Variants in NBEA observed in about 807,000 individuals in gnomAD.
NBEA encodes the protein lysosomal-trafficking regulator 2.
In NBEA, 44 loss-of-function variants were observed where a neutral mutation model predicts 343.4. The observed-to-expected ratio is 0.13, with a 90% CI of 0.10 to 0.16. The LOEUF (loss-of-function observed/expected upper bound fraction) is 0.16, where lower values mean the gene tolerates loss of function less well. Ranked by LOEUF, NBEA falls within the 10% of genes least tolerant of loss-of-function variation. The pLI is 1.00. For synonymous variants in NBEA, 1,175 were observed against 1,238.7 expected (o/e 0.95, Z 1.08); for missense variants, 2,555 against 3,631.3 (o/e 0.70, Z 7.62).
intron 1 of NBEA, among the ~76,000 whole-genome samples, chr13:34,996,563 A>G (rs1191424490): frequency 6.6e-6 from 1 of 152,066 alleles, no homozygotes; most frequent in African/African-American, 2.4e-5. Context: ...TAGTATATTT[A>G]CTTTTACATC....
intron 40 of NBEA, among the ~76,000 whole-genome samples, chr13:35,468,527 T>C (rs1210742593): frequency 6.6e-6 from 1 of 152,164 alleles, no homozygotes; most frequent in African/African-American, 2.4e-5. Flanking sequence ...CATTGAATTA[T>C]TTCTGATGCC....
chr13:35,020,541 CAG>C (rs2061802015), intron 1 of NBEA, among the ~76,000 whole-genome samples: 1 of 152,116 alleles, frequency 6.6e-6, no homozygotes, highest in African/African-American at 2.4e-5. Context: ...TTTTGTAAGA[CAG>C]AGTCTCACTC....
chr13:35,561,558 A>T (rs1457872040), intron 44 of NBEA, among the ~76,000 whole-genome samples: 2 of 152,158 alleles, frequency 1.3e-5, no homozygotes, highest in African/African-American at 4.8e-5. Context: ...TCCCAAAAAT[A>T]TTATTTTAGT....
rs1487427943 is a variant in NBEA at position 35,156,298 on chromosome 13, T to C, written c.2651+92T>C. 5 of 1,283,464 alleles carry C rather than the reference T, an allele frequency of 3.9e-6. No homozygotes were observed. The East Asian group carries it at 8.3e-5, about 21-fold the overall frequency. 79.5% of individuals were successfully genotyped at this position (1,283,464 alleles called of 1,614,324 possible). The stretch of plus-strand genomic sequence containing the variant: ...CAATTCATTTCAAATCTTTTCCATA[T>C]TGCTAAATACTTTTAATCATCAGAA... On this transcript the variant is annotated intron_variant, in intron 20 of 58. Transcript: ENST00000379939.
In NBEA at chr13:35,208,807, T is replaced by C. The variant is rs768809728; in HGVS notation, c.5474T>C (p.Ile1825Thr). 3.1e-6 allele frequency: 5 copies of C among 1,609,238 alleles called. No homozygotes were observed. The highest frequency in any genetic ancestry group is 2.7e-5 in the African/African-American group (2 of 74,854). ...SGLPTGSTSN[I>T]FAATGATPKS... ...CTGCCAACAGGCAGTACCTCTAATATATTTGCTGCTACTGGAGCTACACCA... is the reference window on the plus strand; with the variant it reads ...CTGCCAACAGGCAGTACCTCTAATACATTTGCTGCTACTGGAGCTACACCA... Residue 1825 changes from isoleucine (I) to threonine (T), a missense_variant, in exon 32 of 59, where the codon ATA (isoleucine) becomes ACA (threonine). Physicochemically the swap from Ile to Thr is moderately conservative, Grantham distance 89. This residue lies in a region of NBEA where 270 missense variants were observed against 293.3 expected (regional missense o/e 0.92). Transcript: ENST00000379939.
chr13:35,418,538 T>C (rs2044083377), intron 38 of NBEA, among the ~76,000 whole-genome samples: 1 of 151,992 alleles, frequency 6.6e-6, no homozygotes. Context: ...GCACTGAGAA[T>C]ATTGCCTAAC....
chr13:35,646,638 C>T (rs920675581), intron 51 of NBEA, among the ~76,000 whole-genome samples: 5 of 152,188 alleles, frequency 3.3e-5, no homozygotes, highest in African/African-American at 9.7e-5. Context: ...GAGACACACA[C>T]TGACACCAGA....
intron 1 of NBEA, among the ~76,000 whole-genome samples, chr13:35,039,102 A>T (rs975075261): frequency 3.3e-5 from 5 of 152,196 alleles, no homozygotes; most frequent in South Asian, 2.1e-4. Flanking sequence ...TTGTGGGTGG[A>T]CATCAGCTTA....
At chr13:35,470,422 A>C (rs34060896) in intron 40 of NBEA, among the ~76,000 whole-genome samples, 5,918 of 152,178 alleles carry the variant, frequency 0.039, 167 homozygotes, top group Non-Finnish European at 0.061. Context: ...TTACTTTTTA[A>C]GAGAAAGAAG....
intron 11 of NBEA, among the ~76,000 whole-genome samples, chr13:35,101,561 T>G (rs1249739353): frequency 6.6e-6 from 1 of 151,878 alleles, no homozygotes; most frequent in African/African-American, 2.4e-5. Context: ...ATGTGTCTTA[T>G]TATTGATTTG....
chr13:35,560,201 G>C (rs1417615766), intron 44 of NBEA, among the ~76,000 whole-genome samples: 1 of 137,896 alleles, frequency 7.3e-6, no homozygotes, highest in Non-Finnish European at 1.7e-5. Flanking sequence ...TTCAAACCTA[G>C]GCAGTTTAGC....
chr13:35,620,536 CA>C (rs2082936154), intron 48 of NBEA, among the ~76,000 whole-genome samples: 1 of 151,948 alleles, frequency 6.6e-6, no homozygotes. Flanking sequence ...GAGCATCACA[CA>C]GGGTCTTGAA....
At chr13:35,647,904 C>T (rs1001512195) in intron 51 of NBEA, among the ~76,000 whole-genome samples, 5 of 151,942 alleles carry the variant, frequency 3.3e-5, no homozygotes, top group African/African-American at 1.2e-4. Flanking sequence ...AAGATAGGGT[C>T]TCACTCTGTT....
intron 41 of NBEA, among the ~76,000 whole-genome samples, chr13:35,546,706 C>T (rs999470282): frequency 6.6e-6 from 1 of 151,880 alleles, no homozygotes; most frequent in Non-Finnish European, 1.5e-5. Context: ...GCATGTGCAA[C>T]CATGACCGGC....
chr13:35,478,844 AG>A (rs1208054635), intron 41 of NBEA, among the ~76,000 whole-genome samples: 2 of 152,322 alleles, frequency 1.3e-5, no homozygotes, highest in South Asian at 2.1e-4. Flanking sequence ...TTGGTTGTCA[AG>A]GACGTGAGAC....
intron 36 of NBEA, among the ~76,000 whole-genome samples, chr13:35,338,271 T>C (rs2039383361): frequency 6.6e-6 from 1 of 151,860 alleles, no homozygotes; most frequent in African/African-American, 2.4e-5. Context: ...AGTAGGAATA[T>C]TATTAATGAC....
intron 30 of NBEA, among the ~76,000 whole-genome samples, chr13:35,192,702 C>A (rs2072288089): frequency 6.6e-6 from 1 of 151,790 alleles, no homozygotes; most frequent in African/African-American, 2.4e-5. Flanking sequence ...ATTTTAATAT[C>A]CATTGTAAGT....
chr13:35,594,217 C>A (rs2081658512), intron 47 of NBEA, among the ~76,000 whole-genome samples: 1 of 151,956 alleles, frequency 6.6e-6, no homozygotes, highest in Non-Finnish European at 1.5e-5. Flanking sequence ...TTCTTCAAGG[C>A]ACATTTTTTT....
Position 35,575,446 on chromosome 13 carries a change from T to A in NBEA, c.7035+8429T>A, listed in dbSNP as rs183219208. ...TTGGATTGATTGGAAAGGTTTTGTTTGTTTTTGTACTCTATTTTAATTGAT... is the reference window on the plus strand; with the variant it reads ...TTGGATTGATTGGAAAGGTTTTGTTAGTTTTTGTACTCTATTTTAATTGAT... On this transcript the variant is annotated intron_variant, in intron 45 of 58. Transcript: ENST00000379939. Among the ~76,000 whole-genome samples the A allele has an allele frequency of 4.4e-3, 673 of 152,314 alleles. 6 individuals carry two copies. The highest frequency in any genetic ancestry group is 0.015 in the African/African-American group (624 of 41,566).
Sources: gnomAD v4.1 joint callset for allele counts (sites outside exome capture counted in the v4.1 genomes callset) on GRCh38, gnomAD v4.1.1 for gene constraint, gnomAD v4.1.1 regional missense constraint, MANE v1.5 for transcripts, NCBI Gene and HGNC (gene_info 2026-07-23, HGNC 2026-07-21) for gene names.